The following DDX10 variants were observed in gnomAD, a reference collection of about 807,000 sequenced individuals.
DDX10 encodes probable ATP-dependent RNA helicase DDX10.
A neutral mutation model predicts 104.3 loss-of-function variants in DDX10; 74 were observed. The ratio of observed to expected loss-of-function variants is 0.71; its 90% CI spans 0.59 to 0.86. The LOEUF (loss-of-function observed/expected upper bound fraction) is 0.86. DDX10 is among the 40% of genes least tolerant of loss of function. The probability of loss-of-function intolerance (pLI) is 0.00; values close to 1 mark genes in which losing one functional copy is unlikely to be tolerated. For synonymous variants in DDX10, 351 were observed against 353.4 expected, an observed-to-expected ratio of 0.99 and a Z score of 0.08; for missense variants, 952 against 1,040.0, an observed-to-expected ratio of 0.92 and a Z score of 1.16.
intron 16 of DDX10, among the ~76,000 whole-genome samples, chr11:108,874,858 T>A (rs1863130925): frequency 6.6e-6 from 1 of 152,196 alleles, no homozygotes; most frequent in South Asian, 2.1e-4. Context: ...GCTGCATTAC[T>A]TCAGCTGAGT....
At chr11:108,907,433 T>G (rs1283189654) in intron 16 of DDX10, among the ~76,000 whole-genome samples, 1 of 151,660 alleles carries the variant, frequency 6.6e-6, no homozygotes, top group African/African-American at 2.4e-5. Context: ...CCTCTCAGGA[T>G]CAAGTGATTC....
chr11:108,830,631 C>CA, intron 13 of DDX10, among the ~76,000 whole-genome samples: 1 of 152,168 alleles, frequency 6.6e-6, no homozygotes, highest in African/African-American at 2.4e-5. Context: ...TTCCAGTTCT[C>CA]AGGGGGGGAA....
intron 13 of DDX10, among the ~76,000 whole-genome samples, chr11:108,759,472 A>C (rs545871580): frequency 1.3e-5 from 2 of 151,954 alleles, no homozygotes; most frequent in Non-Finnish European, 2.9e-5. Flanking sequence ...GTTTGGTATT[A>C]GTGTAGTTTT....
intron 13 of DDX10, among the ~76,000 whole-genome samples, chr11:108,747,485 G>T (rs2094333249): frequency 6.6e-6 from 1 of 152,156 alleles, no homozygotes; most frequent in Non-Finnish European, 1.5e-5. Flanking sequence ...GTAGGCTGAG[G>T]TGATAGCAGT....
rs181399677 is a variant in DDX10 at position 108,899,474 on chromosome 11, C to T, written c.2305-18399C>T. Among the ~76,000 whole-genome samples, 138 of 150,140 alleles carry T rather than the reference C, an allele frequency of 9.2e-4. 1 individual carries two copies. The highest frequency in any genetic ancestry group is 3.3e-3 in the African/African-American group (135 of 40,796). ...TGTTTATATTTTCACATTAGAAACA[C>T]TTCAAAGCATGCACAGCTACCTTTT... On this transcript the variant is annotated intron_variant, in intron 16 of 17. Transcript: ENST00000322536.
intron 13 of DDX10, among the ~76,000 whole-genome samples, chr11:108,819,462 G>T (rs1862296642): frequency 1.3e-5 from 2 of 152,028 alleles, no homozygotes; most frequent in African/African-American, 4.8e-5. Flanking sequence ...TTTCGAAAAA[G>T]TAAAAACAGT....
intron 16 of DDX10, among the ~76,000 whole-genome samples, chr11:108,889,824 G>C (rs1480072861): frequency 2.0e-5 from 3 of 152,120 alleles, no homozygotes; most frequent in African/African-American, 7.2e-5. Flanking sequence ...TTGAAGTTTG[G>C]CTTGAATAGC....
chr11:108,911,556 C>T (rs113941913), intron 16 of DDX10, among the ~76,000 whole-genome samples: 1,869 of 63,746 alleles, frequency 0.029, 91 homozygotes, highest in East Asian at 0.049. Context: ...GCCTCCTCTT[C>T]TTTTTTTTTT....
intron 13 of DDX10, among the ~76,000 whole-genome samples, chr11:108,820,159 G>A (rs922190913): frequency 6.6e-5 from 10 of 152,150 alleles, no homozygotes; most frequent in African/African-American, 1.9e-4. Context: ...TGGTTGTGCC[G>A]AGTAAATGAA....
intron 16 of DDX10, among the ~76,000 whole-genome samples, chr11:108,864,302 A>G (rs1188807396): frequency 6.6e-6 from 1 of 152,084 alleles, no homozygotes; most frequent in Non-Finnish European, 1.5e-5. Context: ...TTCTCCCATC[A>G]GAATCATTGG....
intron 13 of DDX10, among the ~76,000 whole-genome samples, chr11:108,741,011 C>G (rs572109338): frequency 6.6e-6 from 1 of 152,106 alleles, no homozygotes; most frequent in Non-Finnish European, 1.5e-5. Flanking sequence ...CCAGTTCAAT[C>G]TTTTGCATAT....
At chr11:108,682,272 T>G (rs1299662774) in intron 6 of DDX10, among the ~76,000 whole-genome samples, 2 of 152,048 alleles carry the variant, frequency 1.3e-5, no homozygotes, top group Non-Finnish European at 2.9e-5. Flanking sequence ...GCCCACCTAA[T>G]TTTTGTATTT....
intron 15 of DDX10, among the ~76,000 whole-genome samples, chr11:108,846,820 A>AACCAGACCAG (rs71476032): frequency 0.031 from 4,588 of 149,946 alleles, 192 homozygotes; most frequent in African/African-American, 0.092. Flanking sequence ...TTAGAGTACA[A>AACCAGACCAG]ACCAGACCAG....
chr11:108,740,048 T>G (rs2094323308), intron 13 of DDX10, among the ~76,000 whole-genome samples: 1 of 151,424 alleles, frequency 6.6e-6, no homozygotes, highest in Non-Finnish European at 1.5e-5. Context: ...GTAAATTGCA[T>G]GTCATGGGGG....
At position 108,854,699 on chromosome 11, in the gene DDX10, T is replaced by C. The variant is rs79837188; in HGVS notation, c.2304+2490T>C. On this transcript the variant is annotated intron_variant, in intron 16 of 17. Transcript: ENST00000322536. The stretch of plus-strand genomic sequence containing the variant: ...TTTCATGCAGCAAACATCATTTTAT[T>C]ATACAAGGAAGGATATAAAGGACAC... Among the ~76,000 whole-genome samples the C allele has an allele frequency of 2.4e-3, 366 of 150,952 alleles. 10 individuals carry two copies. The East Asian group carries it at 0.059, about 24-fold the overall frequency.
At chr11:108,740,492 G>A (rs1308533031) in intron 13 of DDX10, among the ~76,000 whole-genome samples, 2 of 152,080 alleles carry the variant, frequency 1.3e-5, no homozygotes, top group South Asian at 2.1e-4. Flanking sequence ...ATTCCTTTGG[G>A]TATATACCCA....
At chr11:108,678,833 G>C (rs2094230049) in intron 5 of DDX10, among the ~76,000 whole-genome samples, 1 of 149,382 alleles carries the variant, frequency 6.7e-6, no homozygotes, top group East Asian at 1.9e-4. Context: ...AGTTGCAGTG[G>C]AGAGTTCCTG....
At chr11:108,865,659 G>A (rs920236868) in intron 16 of DDX10, among the ~76,000 whole-genome samples, 6 of 152,240 alleles carry the variant, frequency 3.9e-5, no homozygotes, top group African/African-American at 1.4e-4. Context: ...GATTTGGGCT[G>A]ACTCAGGAGA....
At chr11:108,913,044 A>G (rs1315290435) in intron 16 of DDX10, among the ~76,000 whole-genome samples, 2 of 152,178 alleles carry the variant, frequency 1.3e-5, no homozygotes, top group African/African-American at 4.8e-5. Flanking sequence ...AAAAGGAGGT[A>G]AAAACGAGGA....
Sources: gnomAD v4.1 joint callset for allele counts (sites outside exome capture counted in the v4.1 genomes callset) on GRCh38, gnomAD v4.1.1 for gene constraint, MANE v1.5 for transcripts, NCBI Gene and HGNC (gene_info 2026-07-23, HGNC 2026-07-21) for gene names.